Variants in MAP4K5 observed in about 807,000 individuals in gnomAD.
The protein encoded by MAP4K5 is MAPK/ERK kinase kinase kinase 5.
Under a neutral mutation model 135.6 loss-of-function variants are expected in MAP4K5, and 82 were observed. The observed-to-expected ratio is 0.60, with a 90% CI of 0.51 to 0.73. MAP4K5 has a LOEUF of 0.73. Among genes scored for constraint, MAP4K5 ranks in the 30% least tolerant of loss-of-function variants. MAP4K5 has a pLI of 0.00. For missense variants in MAP4K5, 907 were observed against 1,010.9 expected (o/e 0.90, Z 1.39); for synonymous variants, 347 against 335.0 (o/e 1.04, Z -0.39).
chr14:50,539,050 T>C (rs1292106307), intron 2 of MAP4K5, among the ~76,000 whole-genome samples: 1 of 152,184 alleles, frequency 6.6e-6, no homozygotes, highest in East Asian at 1.9e-4. Flanking sequence ...AGAAACCCGA[T>C]TGATAAAGTT....
intron 10 of MAP4K5, 69 bp downstream of exon 10, chr14:50,468,582 G>C: frequency 6.8e-7 from 1 of 1,471,522 alleles, no homozygotes; most frequent in African/African-American, 1.4e-5. Flanking sequence ...GCTTGATGCT[G>C]AGTTATCAGC....
chr14:50,550,242 T>C (rs2038685250), intron 1 of MAP4K5, among the ~76,000 whole-genome samples: 1 of 152,186 alleles, frequency 6.6e-6, no homozygotes, highest in Non-Finnish European at 1.5e-5. Context: ...AGGGAAGCCA[T>C]GTGTGGTACT....
chr14:50,512,899 T>C (rs1337433415), intron 2 of MAP4K5, among the ~76,000 whole-genome samples: 2 of 152,160 alleles, frequency 1.3e-5, no homozygotes, highest in Admixed American at 6.5e-5. Context: ...AATTGAAAGA[T>C]CCTGCATTAT....
chr14:50,526,234 C>T (rs1270265963), intron 2 of MAP4K5, among the ~76,000 whole-genome samples: 1 of 152,194 alleles, frequency 6.6e-6, no homozygotes, highest in Non-Finnish European at 1.5e-5. Flanking sequence ...CAGAGTTTGG[C>T]ATTTCTTCCA....
chr14:50,423,156 A>C lies in MAP4K5; in HGVS notation c.2418T>G (p.Asp806Glu). Residue 806 changes from aspartate (D) to glutamate (E), a missense_variant, in exon 32 of 33, where the codon GAT becomes GAG. Coordinates refer to ENST00000682126, the MANE Select transcript of MAP4K5 (RefSeq NM_006575.6). ...KSDEVTQEISDETRVFRLLGS... is the reference protein window; with the variant it reads ...KSDEVTQEISEETRVFRLLGS... ...CTAATAAGCGGAAAACTCTTGTTTC[A>C]TCTGAAATCTCCTGGGTAACCTAGG... The C allele has an allele frequency of 2.5e-6, 4 of 1,570,770 alleles. No individual in the cohort carries two copies. The highest frequency in any genetic ancestry group is 3.5e-6 in the Non-Finnish European group (4 of 1,145,548).
chr14:50,535,035 G>T (rs1024160516), upstream of MAP4K5, among the ~76,000 whole-genome samples: 1 of 152,192 alleles, frequency 6.6e-6, no homozygotes, highest in African/African-American at 2.4e-5. Context: ...TATGGAATAA[G>T]AATAAATATG....
intron 14 of MAP4K5, chr14:50,449,215 A>G (rs1295561874): frequency 6.1e-6 from 1 of 163,224 alleles, no homozygotes; most frequent in East Asian, 1.8e-4. Flanking sequence ...ACTAAGAAAA[A>G]CTACCTAAAA....
At chr14:50,428,870 T>C (rs2035907954) in intron 29 of MAP4K5, 116 bp from the exon 30 acceptor site, 1 of 668,334 alleles carries the variant, frequency 1.5e-6, no homozygotes, top group African/African-American at 1.8e-5. Flanking sequence ...AGTTCAACTA[T>C]TTATCTTGAG....
chr14:50,440,470 T>C, intron 21 of MAP4K5, 29 bp from the exon 22 acceptor site: 1 of 1,162,132 alleles, frequency 8.6e-7, no homozygotes, highest in Non-Finnish European at 1.2e-6. Context: ...ATCACCAGAA[T>C]TTACCATCAT....
chr14:50,461,137 T>C (rs1377470972), intron 13 of MAP4K5, among the ~76,000 whole-genome samples: 1 of 152,092 alleles, frequency 6.6e-6, no homozygotes, highest in Admixed American at 6.6e-5. Context: ...GAGATCCTCC[T>C]GCCTCAGCCT....
At chr14:50,558,633 A>C (rs1400959644) in intron 1 of MAP4K5, among the ~76,000 whole-genome samples, 9 of 152,206 alleles carry the variant, frequency 5.9e-5, no homozygotes, top group African/African-American at 2.2e-4. Context: ...ATAGGTGTTG[A>C]ATTATATAAA....
At chr14:50,514,906 TC>T (rs2038002228) in intron 2 of MAP4K5, among the ~76,000 whole-genome samples, 1 of 41,394 alleles carries the variant, frequency 2.4e-5, no homozygotes, top group Non-Finnish European at 4.2e-5. Flanking sequence ...TCATCCTTAT[TC>T]TTTTTTTTTT....
intron 6 of MAP4K5, among the ~76,000 whole-genome samples, chr14:50,479,632 GTT>G (rs1239259370): frequency 2.0e-5 from 3 of 152,086 alleles, no homozygotes; most frequent in Non-Finnish European, 1.5e-5. Flanking sequence ...CTGTTTTAAT[GTT>G]TTTGTCTGCT....
At chr14:50,451,682 A>T (rs1343513447) in intron 14 of MAP4K5, among the ~76,000 whole-genome samples, 1 of 151,904 alleles carries the variant, frequency 6.6e-6, no homozygotes, top group African/African-American at 2.4e-5. Flanking sequence ...TTTCAAAAAT[A>T]GTTATTCTGT....
intron 32 of MAP4K5, among the ~76,000 whole-genome samples, chr14:50,422,857 AC>A (rs1348325900): frequency 6.6e-6 from 1 of 152,218 alleles, no homozygotes; most frequent in South Asian, 2.1e-4. Context: ...CTCTCATAGT[AC>A]TAGGGACATC....
chr14:50,462,858 T>C, intron 12 of MAP4K5, 77 bp from the exon 13 acceptor site: 1 of 814,812 alleles, frequency 1.2e-6, no homozygotes, highest in Non-Finnish European at 2.1e-6. Context: ...CTTCATTTTT[T>C]CATTCAGTAA....
chr14:50,425,942 G>C lies in MAP4K5; in HGVS notation c.2362C>G (p.His788Asp). 1 of 1,612,854 alleles carries C rather than the reference G, an allele frequency of 6.2e-7. No homozygotes were observed. Among genetic ancestry groups the C allele is most frequent in the Non-Finnish European group, 8.5e-7 (1 of 1,179,286 alleles). Reference sequence around the variant, plus strand: ...TTGAAGCTTTTACCCTGCATCCCATGTTTCCAGAAAGCCAACACACTGTCT... The same window carrying C: ...TTGAAGCTTTTACCCTGCATCCCATCTTTCCAGAAAGCCAACACACTGTCT... ...LQDSVLAFWK[H>D]GMQGKSFKSD... Residue 788 changes from histidine to aspartate, a missense_variant, in exon 31 of 33, where the codon CAT (histidine) becomes GAT (aspartate). Physicochemically the swap from His to Asp is moderately conservative, Grantham distance 81. This residue lies in a region of MAP4K5 where 690 missense variants were observed against 777.4 expected (regional missense o/e 0.89). Transcript: ENST00000682126.
At chr14:50,554,944 G>A (rs2038747024) in intron 1 of MAP4K5, among the ~76,000 whole-genome samples, 1 of 152,030 alleles carries the variant, frequency 6.6e-6, no homozygotes, top group Non-Finnish European at 1.5e-5. Flanking sequence ...TTGTCTTTTT[G>A]GCAAAGTCTT....
At chr14:50,480,587 A>G (rs1467439608) in intron 6 of MAP4K5, among the ~76,000 whole-genome samples, 1 of 152,136 alleles carries the variant, frequency 6.6e-6, no homozygotes, top group East Asian at 1.9e-4. Context: ...CTTATTTCAC[A>G]TAACATAAGG....
Sources: allele counts gnomAD v4.1 joint callset (sites outside exome capture counted in the v4.1 genomes callset), GRCh38; gene constraint gnomAD v4.1.1; regional missense constraint gnomAD v4.1.1; transcripts MANE v1.5; gene names NCBI Gene and HGNC (gene_info 2026-07-23, HGNC 2026-07-21).